PRDM5: variants seen among roughly 807,000 people sequenced by gnomAD.
The protein encoded by PRDM5 is PR/SET domain 5, also known as PR domain zinc finger protein 5.
In PRDM5, 56 loss-of-function variants were observed where a neutral mutation model predicts 81.2. The ratio of observed to expected loss-of-function variants is 0.69; its 90% CI spans 0.56 to 0.86. The LOEUF (loss-of-function observed/expected upper bound fraction) is 0.86, where lower values mean the gene tolerates loss of function less well. Ranked by LOEUF, PRDM5 falls within the 40% of genes least tolerant of loss-of-function variation. The pLI, the probability that PRDM5 is intolerant of heterozygous loss-of-function variation, is 0.00. For missense variants in PRDM5, 697 were observed against 770.1 expected, an observed-to-expected ratio of 0.91 and a Z score of 1.12; for synonymous variants, 267 against 256.4, an observed-to-expected ratio of 1.04 and a Z score of -0.39.
chr4:120,727,291 A>T (rs1739558856), intron 14 of PRDM5, among the ~76,000 whole-genome samples: 1 of 119,790 alleles, frequency 8.3e-6, no homozygotes, highest in African/African-American at 2.9e-5. Flanking sequence ...TCCAAGAAAG[A>T]TGTATGTATA....
intron 1 of PRDM5, among the ~76,000 whole-genome samples, chr4:120,921,007 A>T (rs548103534): frequency 2.6e-5 from 4 of 152,364 alleles, no homozygotes; most frequent in South Asian, 4.1e-4. Context: ...TGTTTCTAAA[A>T]ATCTATATGG....
intron 13 of PRDM5, among the ~76,000 whole-genome samples, chr4:120,760,748 C>CTTT (rs1327491496): frequency 6.9e-6 from 1 of 144,204 alleles, no homozygotes; most frequent in East Asian, 2.0e-4. Context: ...ATTAAATAGA[C>CTTT]TTTTTTTTTT....
At chr4:120,872,171 A>AAAAAAAAAAAAAAAC (rs1761897602) in intron 2 of PRDM5, among the ~76,000 whole-genome samples, 1 of 149,410 alleles carries the variant, frequency 6.7e-6, no homozygotes, top group Non-Finnish European at 1.5e-5. Context: ...AAAAAAAAAA[A>AAAAAAAAAAAAAAAC]AAACCTGTAC....
chr4:120,911,087 G>A (rs1766451191), intron 1 of PRDM5, among the ~76,000 whole-genome samples: 1 of 152,098 alleles, frequency 6.6e-6, no homozygotes, highest in African/African-American at 2.4e-5. Flanking sequence ...AGGCAGTAGG[G>A]CAACACAACA....
intron 14 of PRDM5, among the ~76,000 whole-genome samples, chr4:120,737,321 T>C (rs1035429595): frequency 6.6e-6 from 1 of 152,098 alleles, no homozygotes; most frequent in African/African-American, 2.4e-5. Context: ...CCTAGACAGA[T>C]AGAACTGCCT....
At chr4:120,771,427 AT>A (rs1156786287) in intron 13 of PRDM5, among the ~76,000 whole-genome samples, 1 of 152,088 alleles carries the variant, frequency 6.6e-6, no homozygotes, top group Non-Finnish European at 1.5e-5. Flanking sequence ...CACCAAAAAT[AT>A]TTTTTCAACT....
intron 2 of PRDM5, among the ~76,000 whole-genome samples, chr4:120,888,949 T>A (rs1164451776): frequency 6.6e-6 from 1 of 152,190 alleles, no homozygotes; most frequent in Non-Finnish European, 1.5e-5. Context: ...TTGATTTTTA[T>A]AGTTCTTACT....
chr4:120,757,313 T>C (rs1216345569), intron 13 of PRDM5, among the ~76,000 whole-genome samples: 1 of 152,214 alleles, frequency 6.6e-6, no homozygotes, highest in Admixed American at 6.5e-5. Context: ...TCATCCTCCA[T>C]CCAGCTGTAA....
intron 14 of PRDM5, among the ~76,000 whole-genome samples, chr4:120,724,806 G>A (rs1043360800): frequency 6.6e-6 from 1 of 152,138 alleles, no homozygotes; most frequent in Non-Finnish European, 1.5e-5. Context: ...ATTCACCCAT[G>A]ACTAACAGAG....
intron 3 of PRDM5, among the ~76,000 whole-genome samples, chr4:120,846,856 G>A (rs1398283900): frequency 6.6e-6 from 1 of 152,128 alleles, no homozygotes; most frequent in Non-Finnish European, 1.5e-5. Context: ...TCAGCATTGG[G>A]CCTGGTACGT....
At chr4:120,859,361 A>G (rs1561515637) in intron 2 of PRDM5, among the ~76,000 whole-genome samples, 1 of 151,982 alleles carries the variant, frequency 6.6e-6, no homozygotes, top group Non-Finnish European at 1.5e-5. Flanking sequence ...CTGGGACTAC[A>G]GGTGCATGTC....
At chr4:120,742,438 T>C (rs1304735980) in intron 14 of PRDM5, among the ~76,000 whole-genome samples, 1 of 152,140 alleles carries the variant, frequency 6.6e-6, no homozygotes, top group Admixed American at 6.5e-5. Context: ...AGAATGACTT[T>C]GACGAGTTGA....
intron 14 of PRDM5, among the ~76,000 whole-genome samples, chr4:120,725,811 G>A (rs1192823751): frequency 6.6e-6 from 1 of 152,062 alleles, no homozygotes; most frequent in African/African-American, 2.4e-5. Context: ...CACTGTATGT[G>A]TCAGCCTGTA....
intron 14 of PRDM5, among the ~76,000 whole-genome samples, chr4:120,716,612 TTC>T (rs1737785044): frequency 6.6e-6 from 1 of 152,190 alleles, no homozygotes; most frequent in Non-Finnish European, 1.5e-5. Flanking sequence ...GCCTGCACTA[TTC>T]CTGAAGATAT....
At chr4:120,818,263 C>A in intron 5 of PRDM5, 90 bp downstream of exon 5, 1 of 1,431,424 alleles carries the variant, frequency 7.0e-7, no homozygotes, top group Non-Finnish European at 9.7e-7. Context: ...CGTGCACACA[C>A]ACACACACAG....
At position 120,706,698 on chromosome 4, in the gene PRDM5, G is replaced by C. The variant is rs556271953; in HGVS notation, c.1728+3611C>G. On this transcript the variant is annotated intron_variant, in intron 15 of 15. Coordinates refer to ENST00000264808, the MANE Select transcript of PRDM5 (RefSeq NM_018699.4). ...GTATTGATGAGTAACGTGTCATTTG[G>C]GCAAAACTGGTTTTATATATATATA... 0.04 allele frequency among the ~76,000 whole-genome samples: 66 copies of C among 1,654 alleles called. No homozygotes were observed. In the South Asian group the frequency reaches 0.49, roughly 12 times the overall value. 1.1% of individuals were successfully genotyped at this position (1,654 alleles called of 152,430 possible).
chr4:120,855,056 G>A (rs1759722021), intron 2 of PRDM5, among the ~76,000 whole-genome samples: 1 of 152,108 alleles, frequency 6.6e-6, no homozygotes, highest in Non-Finnish European at 1.5e-5. Flanking sequence ...AATCCATCTA[G>A]ACAGTTACTT....
chr4:120,908,290 T>G (rs1190870331), intron 1 of PRDM5, among the ~76,000 whole-genome samples: 1 of 152,166 alleles, frequency 6.6e-6, no homozygotes, highest in Non-Finnish European at 1.5e-5. Flanking sequence ...GCAGAGACAG[T>G]GGGAATGAGT....
At chr4:120,789,109 T>C (rs1042989651) in intron 10 of PRDM5, among the ~76,000 whole-genome samples, 1 of 152,226 alleles carries the variant, frequency 6.6e-6, no homozygotes, top group Admixed American at 6.5e-5. Context: ...CCCATTTGTA[T>C]GCCAAGTCAC....
Sources: gnomAD v4.1 joint callset for allele counts (sites outside exome capture counted in the v4.1 genomes callset) on GRCh38, gnomAD v4.1.1 for gene constraint, MANE v1.5 for transcripts, NCBI Gene and HGNC (gene_info 2026-07-23, HGNC 2026-07-21) for gene names.